Variants in TRIR observed in about 807,000 individuals in gnomAD.
TRIR encodes telomerase RNA component-interacting RNase.
In TRIR, 5 loss-of-function variants were observed where a neutral mutation model predicts 18.2. The observed-to-expected ratio is 0.27, with a 90% CI of 0.14 to 0.58. The LOEUF (loss-of-function observed/expected upper bound fraction) is 0.58, where lower values mean the gene tolerates loss of function less well. Among genes scored for constraint, TRIR ranks in the 20% least tolerant of loss-of-function variants. The probability of loss-of-function intolerance (pLI) is 0.91; values close to 1 mark genes in which losing one functional copy is unlikely to be tolerated. For missense variants in TRIR, 206 were observed against 252.8 expected (o/e 0.81, Z 1.25); for synonymous variants, 134 against 114.4 (o/e 1.17, Z -1.10).
chr19:12,734,355 C>T lies in TRIR; in HGVS notation c.303G>A (p.Gly101=), dbSNP rs756511043. The change falls in exon 1 of 3, where the codon GGG becomes GGA. Residue 101 remains glycine (G), a synonymous_variant. Coordinates refer to ENST00000242784, the MANE Select transcript of TRIR (RefSeq NM_024038.4). This position sits in a 1 kb window ranked among gnomAD's most constrained non-coding sequence, Gnocchi z 4.1. ...PDQSAAAAGP[G]DPKRKGGPGS... ...CCGGACCGCCCTTCCTCTTCGGATC[C>T]CCGGGGCCAGCGGCGGCGGCCGACT... 6 of 1,468,844 alleles carry T rather than the reference C, an allele frequency of 4.1e-6. No individual in the cohort carries two copies. Among genetic ancestry groups the T allele is most frequent in the Non-Finnish European group, 3.6e-6 (4 of 1,110,180 alleles). 91.0% of individuals were successfully genotyped at this position (1,468,844 alleles called of 1,614,324 possible).
rs1967422100 is a variant in TRIR at position 12,731,254 on chromosome 19, C to T, written c.423+90G>A. ...CCTGCCAGGCACACTCATAAAAGGCCTGGATACCAGACAGGGAGGGAGAAG... is the reference window on the plus strand; with the variant it reads ...CCTGCCAGGCACACTCATAAAAGGCTTGGATACCAGACAGGGAGGGAGAAG... On this transcript the variant is annotated intron_variant, in intron 2 of 2. Transcript: ENST00000242784. This position sits in a 1 kb window ranked among gnomAD's most constrained non-coding sequence, Gnocchi z 5.1. 6.6e-7 allele frequency: 1 copy of T among 1,505,026 alleles called. No homozygotes were observed. The highest frequency in any genetic ancestry group is 2.3e-5 in the East Asian group (1 of 44,338). The allele number at this position is 1,505,026 out of a possible 1,614,324, so 93.2% of individuals were successfully genotyped here. A position where few individuals can be genotyped will look rare whatever the true frequency, so the allele number is the denominator to read the frequency against.
intron 1 of TRIR, among the ~76,000 whole-genome samples, chr19:12,732,632 G>A (rs1302833358): frequency 1.3e-5 from 2 of 148,530 alleles, no homozygotes; most frequent in Non-Finnish European, 3.0e-5. Context: ...TCTTACTGTC[G>A]AGGCTGGAGT....
rs755972562 is a variant in TRIR at position 12,731,507 on chromosome 19, C to T, written c.346-86G>A. ...TGAGGCCCACTACACCTTCCTAGCC[C>T]GGCCTGGTGGCCCGTCCTGACGCCG... On this transcript the variant is annotated intron_variant, in intron 1 of 2. Transcript: ENST00000242784. This position sits in a 1 kb window ranked among gnomAD's most constrained non-coding sequence, Gnocchi z 5.1. The T allele has an allele frequency of 1.6e-5, 23 of 1,426,084 alleles. No homozygotes were observed. The highest frequency in any genetic ancestry group is 4.3e-5 in the African/African-American group (3 of 69,956). The allele number at this position is 1,426,084 out of a possible 1,614,324, so 88.3% of individuals were successfully genotyped here. A position where few individuals can be genotyped will look rare whatever the true frequency, so the allele number is the denominator to read the frequency against.
At chr19:12,733,097 T>G (rs757893220) in intron 1 of TRIR, among the ~76,000 whole-genome samples, 20 of 151,946 alleles carry the variant, frequency 1.3e-4, no homozygotes, top group Non-Finnish European at 1.6e-4. Context: ...TTTGTAGAGA[T>G]GCATTTTTGC....
In TRIR at chr19:12,731,376, T is replaced by C. The variant is rs1568344473; in HGVS notation, c.391A>G (p.Ile131Val). 6.2e-7 allele frequency: 1 copy of C among 1,613,956 alleles called. No homozygotes were observed. Among genetic ancestry groups the C allele is most frequent in the African/African-American group, 1.3e-5 (1 of 75,074 alleles). ...GGNKLALKTG[I>V]VAKKQKTEDE... ...TCCGTCTTCTGCTTCTTGGCTACTA[T>C]TCCCGTCTTGAGGGCTAGTTTGTTC... The change falls in exon 2 of 3, where the codon ATA (isoleucine) becomes GTA (valine). Residue 131 changes from isoleucine to valine, a missense_variant. Around this residue, in one of 2 missense-constraint regions of TRIR, gnomAD observed 34 missense variants for 87.8 expected, o/e 0.39. Coordinates refer to ENST00000242784, the MANE Select transcript of TRIR (RefSeq NM_024038.4). The surrounding 1 kb of genome is among the most constrained non-coding windows in gnomAD (Gnocchi z 5.1).
At position 12,730,643 on chromosome 19, in the gene TRIR, G is replaced by A. The variant is rs1029277375; in HGVS notation, c.*318C>T. 5.8e-5 allele frequency: 23 copies of A among 399,950 alleles called. No individual in the cohort carries two copies. Among genetic ancestry groups the A allele is most frequent in the Non-Finnish European group, 1.0e-4 (22 of 215,906 alleles). 24.8% of individuals were successfully genotyped at this position (399,950 alleles called of 1,614,324 possible). ...GAAGACAAACCAAGCACACAGCTCCGGCACTAAGTCAAGTTCTTTACTTCC... is the reference window on the plus strand; with the variant it reads ...GAAGACAAACCAAGCACACAGCTCCAGCACTAAGTCAAGTTCTTTACTTCC... On this transcript the variant is annotated 3_prime_UTR_variant, in exon 3 of 3. Coordinates refer to ENST00000242784, the MANE Select transcript of TRIR (RefSeq NM_024038.4).
At position 12,734,351 on chromosome 19, in the gene TRIR, G is replaced by A; in HGVS notation, c.307C>T (p.Pro103Ser). ...QSAAAAGPGD[P>S]KRKGGPGSTL... ...GAGCCCGGACCGCCCTTCCTCTTCG[G>A]ATCCCCGGGGCCAGCGGCGGCGGCC... is the stretch of plus-strand genomic sequence containing the variant. Residue 103 changes from proline to serine, a missense_variant, in exon 1 of 3, where the codon CCG becomes TCG. Physicochemically the swap from Pro to Ser is moderately conservative, Grantham distance 74 (BLOSUM62 -1). Transcript: ENST00000242784. The surrounding 1 kb of genome is among the most constrained non-coding windows in gnomAD (Gnocchi z 4.1). 1 of 1,460,470 alleles carries A rather than the reference G, an allele frequency of 6.8e-7. No homozygotes were observed. The highest frequency in any genetic ancestry group is 9.0e-7 in the Non-Finnish European group (1 of 1,105,856). The allele number at this position is 1,460,470 out of a possible 1,614,324, so 90.5% of individuals were successfully genotyped here.
chr19:12,734,178 C>T lies in TRIR; in HGVS notation c.345+135G>A. 1 of 936,784 alleles carries T rather than the reference C, an allele frequency of 1.1e-6. No homozygotes were observed. The highest frequency in any genetic ancestry group is 1.5e-6 in the Non-Finnish European group (1 of 675,860). 58.0% of individuals were successfully genotyped at this position (936,784 alleles called of 1,614,324 possible). On this transcript the variant is annotated intron_variant, in intron 1 of 2. Coordinates refer to ENST00000242784, the MANE Select transcript of TRIR (RefSeq NM_024038.4). The surrounding 1 kb of genome is among the most constrained non-coding windows in gnomAD (Gnocchi z 4.1). Reference sequence around the variant, plus strand: ...AGTTGTCGGGAATCCAAGTTCCACACCCTCAGCGGGTGACCCGGACGGGCC... The same window carrying T: ...AGTTGTCGGGAATCCAAGTTCCACATCCTCAGCGGGTGACCCGGACGGGCC...
In TRIR at chr19:12,734,672, C is replaced by T. The variant is rs754335920; in HGVS notation, c.-15G>A. On this transcript the variant is annotated 5_prime_UTR_variant, in exon 1 of 3. Coordinates refer to ENST00000242784, the MANE Select transcript of TRIR (RefSeq NM_024038.4). The surrounding 1 kb of genome is among the most constrained non-coding windows in gnomAD (Gnocchi z 4.1). ...CGGGCAGCCATTTTGTCGCCAGGTG[C>T]CGCGCAAAGGACTCCGGGAAGGCCG... The T allele has an allele frequency of 1.2e-5, 18 of 1,497,348 alleles. No homozygotes were observed. Among genetic ancestry groups the T allele is most frequent in the Middle Eastern group, 1.9e-4 (1 of 5,224 alleles). The allele number at this position is 1,497,348 out of a possible 1,614,324, so 92.8% of individuals were successfully genotyped here. A position where few individuals can be genotyped will look rare whatever the true frequency, so the allele number is the denominator to read the frequency against.
chr19:12,730,721 A>G lies in TRIR; in HGVS notation c.*240T>C, dbSNP rs1361432340. The G allele has an allele frequency of 3.5e-6, 2 of 572,484 alleles. No individual in the cohort carries two copies. The highest frequency in any genetic ancestry group is 6.2e-6 in the Non-Finnish European group (2 of 320,212). The allele number at this position is 572,484 out of a possible 1,614,324, so 35.5% of individuals were successfully genotyped here. A position where few individuals can be genotyped will look rare whatever the true frequency, so the allele number is the denominator to read the frequency against. ...AGGGTGAGAAGAGGAAGACAGAAAG[A>G]GCCAGAGAGAATGAGGAGGTGAGAA... On this transcript the variant is annotated 3_prime_UTR_variant, in exon 3 of 3. Transcript: ENST00000242784.
At chr19:12,733,090 G>T (rs1240892189) in intron 1 of TRIR, among the ~76,000 whole-genome samples, 1 of 151,506 alleles carries the variant, frequency 6.6e-6, no homozygotes, top group African/African-American at 2.4e-5. Flanking sequence ...ATTTTTTTTT[G>T]TAGAGATGCA....
At position 12,731,012 on chromosome 19, in the gene TRIR, G is replaced by A. The variant is rs1185507919; in HGVS notation, c.480C>T (p.Tyr160=). The A allele has an allele frequency of 1.2e-6, 2 of 1,613,950 alleles. No homozygotes were observed. The highest frequency in any genetic ancestry group is 1.7e-6 in the Non-Finnish European group (2 of 1,180,022). ...WAKYMAEVKK[Y]KAHQCGDDDK... is the part of the protein sequence containing the mutation. Reference sequence around the variant, plus strand: ...CATCGTCACCGCACTGGTGAGCTTTGTACTTTTTCACTTCTGCCATGTACT... The same window carrying A: ...CATCGTCACCGCACTGGTGAGCTTTATACTTTTTCACTTCTGCCATGTACT... Residue 160 remains tyrosine (Y), a synonymous_variant, in exon 3 of 3, where the codon TAC becomes TAT. Transcript: ENST00000242784. This position sits in a 1 kb window ranked among gnomAD's most constrained non-coding sequence, Gnocchi z 5.1.
At position 12,731,607 on chromosome 19, in the gene TRIR, C is replaced by T. The variant is rs779517379; in HGVS notation, c.346-186G>A. ...CACGCGACTCAGCGCCTGCCCTGGG[C>T]CCGCGGTGCCCTCCCAGGGAGCAAG... On this transcript the variant is annotated intron_variant, in intron 1 of 2. Transcript: ENST00000242784. This position sits in a 1 kb window ranked among gnomAD's most constrained non-coding sequence, Gnocchi z 5.1. The T allele has an allele frequency of 1.8e-5, 11 of 610,542 alleles. No individual in the cohort carries two copies. In the Admixed American group the frequency reaches 2.8e-4, roughly 15 times the overall value. 37.8% of individuals were successfully genotyped at this position (610,542 alleles called of 1,614,324 possible). A position where few individuals can be genotyped will look rare whatever the true frequency, so the allele number is the denominator to read the frequency against.
chr19:12,734,188 G>A lies in TRIR; in HGVS notation c.345+125C>T, dbSNP rs547411930. 3 of 1,006,072 alleles carry A rather than the reference G, an allele frequency of 3.0e-6. No individual in the cohort carries two copies. Among genetic ancestry groups the A allele is most frequent in the Non-Finnish European group, 4.1e-6 (3 of 738,514 alleles). The allele number at this position is 1,006,072 out of a possible 1,614,324, so 62.3% of individuals were successfully genotyped here. On this transcript the variant is annotated intron_variant, in intron 1 of 2. Coordinates refer to ENST00000242784, the MANE Select transcript of TRIR (RefSeq NM_024038.4). The surrounding 1 kb of genome is among the most constrained non-coding windows in gnomAD (Gnocchi z 4.1). ...AATCCAAGTTCCACACCCTCAGCGG[G>A]TGACCCGGACGGGCCCCTCATTCAG...
Position 12,734,295 on chromosome 19 carries a change from A to G in TRIR, c.345+18T>C, listed in dbSNP as rs990760606. ...AAGACAGGCCGTGGCGCCCGCCCCC[A>G]CCCCCACGGCTCCTTACGAAGCTAA... On this transcript the variant is annotated intron_variant, in intron 1 of 2. Transcript: ENST00000242784. The surrounding 1 kb of genome is among the most constrained non-coding windows in gnomAD (Gnocchi z 4.1). 2.2e-6 allele frequency: 3 copies of G among 1,364,036 alleles called. No individual in the cohort carries two copies. Among genetic ancestry groups the G allele is most frequent in the Non-Finnish European group, 1.9e-6 (2 of 1,057,448 alleles). 84.5% of individuals were successfully genotyped at this position (1,364,036 alleles called of 1,614,324 possible).
In TRIR at chr19:12,731,431, GGGACAGAAGA is replaced by G. The variant is rs1281912377; in HGVS notation, c.346-20_346-11del. The stretch of plus-strand genomic sequence containing the variant: ...CTCTGCGTTTGCCCACCTGGGTGAA[GGGACAGAAGA>G]CTGCAACGGTTACAGGAGCCGGGAC... On this transcript the variant is annotated splice_polypyrimidine_tract_variant and intron_variant, in intron 1 of 2. Coordinates refer to ENST00000242784, the MANE Select transcript of TRIR (RefSeq NM_024038.4). The surrounding 1 kb of genome is among the most constrained non-coding windows in gnomAD (Gnocchi z 5.1). 1.2e-5 allele frequency: 19 copies of G among 1,611,420 alleles called. No individual in the cohort carries two copies. In the South Asian group the frequency reaches 2.1e-4, roughly 18 times the overall value.
At position 12,734,361 on chromosome 19, in the gene TRIR, G is replaced by C. The variant is rs1318306588; in HGVS notation, c.297C>G (p.Gly99=). The change falls in exon 1 of 3, where the codon GGC becomes GGG. Residue 99 remains glycine, a synonymous_variant. Coordinates refer to ENST00000242784, the MANE Select transcript of TRIR (RefSeq NM_024038.4). The surrounding 1 kb of genome is among the most constrained non-coding windows in gnomAD (Gnocchi z 4.1). ...QRPDQSAAAA[G]PGDPKRKGGP... is the part of the protein sequence containing the mutation. ...CGCCCTTCCTCTTCGGATCCCCGGGGCCAGCGGCGGCGGCCGACTGGTCGG... is the reference window on the plus strand; with the variant it reads ...CGCCCTTCCTCTTCGGATCCCCGGGCCCAGCGGCGGCGGCCGACTGGTCGG... 3.4e-6 allele frequency: 5 copies of C among 1,470,134 alleles called. No homozygotes were observed. Among genetic ancestry groups the C allele is most frequent in the Non-Finnish European group, 4.5e-6 (5 of 1,111,126 alleles). The allele number at this position is 1,470,134 out of a possible 1,614,324, so 91.1% of individuals were successfully genotyped here. A position where few individuals can be genotyped will look rare whatever the true frequency, so the allele number is the denominator to read the frequency against.
chr19:12,731,244 C>A lies in TRIR; in HGVS notation c.423+100G>T. The A allele has an allele frequency of 6.9e-7, 1 of 1,448,154 alleles. No homozygotes were observed. 89.7% of individuals were successfully genotyped at this position (1,448,154 alleles called of 1,614,324 possible). A position where few individuals can be genotyped will look rare whatever the true frequency, so the allele number is the denominator to read the frequency against. ...GCCCTCCTACCCTGCCAGGCACACT[C>A]ATAAAAGGCCTGGATACCAGACAGG... On this transcript the variant is annotated intron_variant, in intron 2 of 2. Coordinates refer to ENST00000242784, the MANE Select transcript of TRIR (RefSeq NM_024038.4). The surrounding 1 kb of genome is among the most constrained non-coding windows in gnomAD (Gnocchi z 5.1).
chr19:12,730,916 T>C lies in TRIR; in HGVS notation c.*45A>G. On this transcript the variant is annotated 3_prime_UTR_variant, in exon 3 of 3. Transcript: ENST00000242784. ...GCTGCCGCTGCATTAAATAGTTATG[T>C]ACATCGCAGAGAGTCCCAGGCCATG... is the stretch of plus-strand genomic sequence containing the variant. The C allele has an allele frequency of 6.5e-7, 1 of 1,538,326 alleles. No individual in the cohort carries two copies. Among genetic ancestry groups the C allele is most frequent in the Non-Finnish European group, 9.0e-7 (1 of 1,111,438 alleles).
Sources: allele counts gnomAD v4.1 joint callset (sites outside exome capture counted in the v4.1 genomes callset), GRCh38; gene constraint gnomAD v4.1.1; regional missense constraint gnomAD v4.1.1; non-coding constraint Gnocchi (gnomAD v3.1); transcripts MANE v1.5; gene names NCBI Gene and HGNC (gene_info 2026-07-23, HGNC 2026-07-21).